The following XPO6 variants were observed in gnomAD, a reference collection of about 807,000 sequenced individuals.
XPO6 encodes the protein exportin 6.
XPO6 carries 3 observed loss-of-function variants against 130.0 expected under a neutral mutation model. The observed-to-expected ratio is 0.02, with a 90% CI of 0.01 to 0.06. The LOEUF is 0.06. XPO6 is among the 10% of genes least tolerant of loss of function. The pLI is 1.00. For synonymous variants in XPO6, 524 were observed against 548.9 expected, an observed-to-expected ratio of 0.95 and a Z score of 0.63; for missense variants, 970 against 1,393.0, an observed-to-expected ratio of 0.70 and a Z score of 4.83.
chr16:28,106,486 C>T lies in XPO6; in HGVS notation c.2509G>A (p.Glu837Lys), dbSNP rs1171835170. 2 of 1,613,928 alleles carry T rather than the reference C, an allele frequency of 1.2e-6. No individual in the cohort carries two copies. Among genetic ancestry groups the T allele is most frequent in the Admixed American group, 3.3e-5 (2 of 60,032 alleles). The change falls in exon 19 of 24, where the codon GAG becomes AAG. Residue 837 changes from glutamate (E) to lysine (K), a missense_variant. By Grantham distance (56) the Glu-to-Lys change is moderately conservative. Around this residue, in one of 4 missense-constraint regions of XPO6, gnomAD observed 936 missense variants for 1,306.8 expected, o/e 0.72. Coordinates refer to ENST00000304658, the MANE Select transcript of XPO6 (RefSeq NM_015171.4). This position sits in a 1 kb window ranked among gnomAD's most constrained non-coding sequence, Gnocchi z 4.2. ...AFIHQSDVTD[E>K]MLSFFLTLFR... is the part of the protein sequence containing the mutation. ...AGAGTGAGGAAGAAGCTCAGCATCT[C>T]ATCAGTCACATCTGAGGAAAGGGGC...
At chr16:28,195,804 G>C (rs1036942379) in intron 1 of XPO6, among the ~76,000 whole-genome samples, 1 of 152,026 alleles carries the variant, frequency 6.6e-6, no homozygotes, top group African/African-American at 2.4e-5. Flanking sequence ...AGATGCCTGG[G>C]GATCCTCTCT....
At chr16:28,120,560 GCTC>G (rs2087206933) in intron 14 of XPO6, among the ~76,000 whole-genome samples, 2 of 152,138 alleles carry the variant, frequency 1.3e-5, no homozygotes, top group Non-Finnish European at 2.9e-5. Flanking sequence ...CATCTGTAGA[GCTC>G]CTCAAGGCTG....
chr16:28,175,590 G>A (rs547311213), intron 4 of XPO6, among the ~76,000 whole-genome samples: 5 of 152,156 alleles, frequency 3.3e-5, no homozygotes, highest in South Asian at 4.2e-4. Flanking sequence ...ACTAAACGCC[G>A]AAACTACTGA....
At chr16:28,121,617 AT>A (rs768325210) in intron 14 of XPO6, 52 bp downstream of exon 14, 168 of 1,310,720 alleles carry the variant, frequency 1.3e-4, no homozygotes, top group Non-Finnish European at 1.8e-4. Context: ...TTATTTGGAG[AT>A]TGGGGGCAAG....
chr16:28,140,225 C>T (rs2042863487), intron 9 of XPO6, among the ~76,000 whole-genome samples: 1 of 143,196 alleles, frequency 7.0e-6, no homozygotes. Flanking sequence ...GAGCAAGACC[C>T]CATCTCAAAA....
intron 8 of XPO6, 86 bp downstream of exon 8, chr16:28,152,573 A>G (rs1345892703): frequency 1.4e-6 from 2 of 1,480,656 alleles, no homozygotes; most frequent in Non-Finnish European, 1.8e-6. Context: ...TTGGAAAATA[A>G]AGTTGAAAGA....
At chr16:28,144,197 G>A (rs966100878) in intron 9 of XPO6, among the ~76,000 whole-genome samples, 5 of 152,160 alleles carry the variant, frequency 3.3e-5, no homozygotes, top group African/African-American at 1.2e-4. Context: ...TGTGTAATAC[G>A]ATTTCTGATA....
chr16:28,117,491 A>G, intron 14 of XPO6, 29 bp from the exon 15 acceptor site: 1 of 1,608,190 alleles, frequency 6.2e-7, no homozygotes, highest in Non-Finnish European at 8.5e-7. Context: ...ATGTGATTTT[A>G]AAGGTTAAGG....
At chr16:28,175,555 C>G (rs995311103) in intron 4 of XPO6, among the ~76,000 whole-genome samples, 1 of 152,128 alleles carries the variant, frequency 6.6e-6, no homozygotes, top group Non-Finnish European at 1.5e-5. Flanking sequence ...GTTGAGTAAT[C>G]ACTGTTTGCA....
intron 8 of XPO6, 100 bp downstream of exon 8, chr16:28,152,556 TTAA>T (rs778901095): frequency 5.8e-6 from 8 of 1,383,906 alleles, no homozygotes; most frequent in Non-Finnish European, 7.8e-6. Flanking sequence ...AAGCATTATA[TTAA>T]TGTTTGGAAA....
chr16:28,209,421 C>A (rs1019014579), intron 1 of XPO6, among the ~76,000 whole-genome samples: 2 of 152,036 alleles, frequency 1.3e-5, no homozygotes, highest in African/African-American at 4.8e-5. Flanking sequence ...GGGTGGATCA[C>A]CTGAGGTCAG....
intron 4 of XPO6, among the ~76,000 whole-genome samples, chr16:28,170,592 A>C (rs2043433841): frequency 6.6e-6 from 1 of 152,222 alleles, no homozygotes; most frequent in Non-Finnish European, 1.5e-5. Flanking sequence ...TTAGTGATTA[A>C]GATGTGTAAA....
intron 1 of XPO6, among the ~76,000 whole-genome samples, chr16:28,190,289 A>C (rs1052824132): frequency 6.6e-6 from 1 of 150,524 alleles, no homozygotes; most frequent in Non-Finnish European, 1.5e-5. Flanking sequence ...GCACAATCTC[A>C]GCTCACTGCA....
At chr16:28,135,889 C>T (rs1271861927) in intron 9 of XPO6, among the ~76,000 whole-genome samples, 1 of 152,190 alleles carries the variant, frequency 6.6e-6, no homozygotes, top group Non-Finnish European at 1.5e-5. Flanking sequence ...TTCCTCCATT[C>T]CTGCCTTCTT....
chr16:28,159,973 G>A (rs1399242345), intron 6 of XPO6, among the ~76,000 whole-genome samples: 4 of 151,952 alleles, frequency 2.6e-5, no homozygotes, highest in African/African-American at 4.8e-5. Context: ...ATCACTTGAG[G>A]TCAGGAATTC....
intron 9 of XPO6, among the ~76,000 whole-genome samples, chr16:28,141,612 G>C (rs2042893326): frequency 6.6e-6 from 1 of 152,100 alleles, no homozygotes; most frequent in Non-Finnish European, 1.5e-5. Context: ...CACTCTGCAG[G>C]AATGGCTACA....
chr16:28,180,915 T>A, intron 2 of XPO6, 26 bp downstream of exon 2: 1 of 1,594,204 alleles, frequency 6.3e-7, no homozygotes, highest in Non-Finnish European at 8.6e-7. Flanking sequence ...TATAAATTCC[T>A]CTTTACAAGT....
chr16:28,121,160 C>T (rs1392587360), intron 14 of XPO6, among the ~76,000 whole-genome samples: 1 of 152,236 alleles, frequency 6.6e-6, no homozygotes, highest in African/African-American at 2.4e-5. Context: ...TTCAAAATAA[C>T]CTGGGGTTCT....
intron 8 of XPO6, among the ~76,000 whole-genome samples, chr16:28,148,553 C>A (rs2043025574): frequency 6.6e-6 from 1 of 152,176 alleles, no homozygotes; most frequent in Admixed American, 6.5e-5. Flanking sequence ...CTAATGATAC[C>A]ATTCTATCTT....
Sources: gnomAD v4.1 joint callset for allele counts (sites outside exome capture counted in the v4.1 genomes callset) on GRCh38, gnomAD v4.1.1 for gene constraint, gnomAD v4.1.1 regional missense constraint, Gnocchi (gnomAD v3.1) non-coding constraint, MANE v1.5 for transcripts, NCBI Gene and HGNC (gene_info 2026-07-23, HGNC 2026-07-21) for gene names.